Variants in CEP89 observed in about 807,000 individuals in gnomAD.
CEP89 encodes centrosomal protein of 89 kDa.
CEP89 carries 95 observed loss-of-function variants against 97.6 expected under a neutral mutation model. The ratio of observed to expected loss-of-function variants is 0.97; its 90% CI spans 0.82 to 1.15. The LOEUF is 1.15. Ranked by LOEUF, CEP89 falls within the 50% of genes most tolerant of loss-of-function variation. The probability of loss-of-function intolerance (pLI) is 0.00; values close to 1 mark genes in which losing one functional copy is unlikely to be tolerated. For missense variants in CEP89, 869 were observed against 947.7 expected, an observed-to-expected ratio of 0.92 and a Z score of 1.09; for synonymous variants, 354 against 349.1, an observed-to-expected ratio of 1.01 and a Z score of -0.16.
chr19:32,906,066 C>T (rs1969881729), intron 14 of CEP89, among the ~76,000 whole-genome samples: 1 of 152,100 alleles, frequency 6.6e-6, no homozygotes. Flanking sequence ...CTTTTCCTGC[C>T]CTTTTACTTT....
intron 14 of CEP89, among the ~76,000 whole-genome samples, chr19:32,913,310 TTTGTTG>T (rs376031677): frequency 0.11 from 5,124 of 45,608 alleles, 276 homozygotes; most frequent in African/African-American, 0.35. Flanking sequence ...TATATATTTT[TTTGTTG>T]TTGTTGTTGT....
chr19:32,910,213 A>G (rs913309904), intron 14 of CEP89, among the ~76,000 whole-genome samples: 1 of 151,156 alleles, frequency 6.6e-6, no homozygotes, highest in Non-Finnish European at 1.5e-5. Flanking sequence ...GTGAGCTGAG[A>G]TCGTGCCACT....
chr19:32,912,340 C>T (rs754530586), intron 14 of CEP89, among the ~76,000 whole-genome samples: 1 of 152,082 alleles, frequency 6.6e-6, no homozygotes, highest in African/African-American at 2.4e-5. Context: ...TTGTTGATGT[C>T]GTTAACATTT....
In CEP89 at chr19:32,933,466, C is replaced by A. The variant is rs759305087; in HGVS notation, c.871G>T (p.Ala291Ser). ...EKRKLKEAEK[A>S]SSQEVAAPEL... is the part of the protein sequence containing the mutation. ...CTGTCCCCACCTTCCTGTGACGACG[C>A]CTTCTCAGCCTCTTTGAGCTTTCTC... The change falls in exon 8 of 19, where the codon GCG (alanine) becomes TCG (serine). Residue 291 changes from alanine to serine, a missense_variant. Coordinates refer to ENST00000305768, the MANE Select transcript of CEP89 (RefSeq NM_032816.5). 5 of 1,613,762 alleles carry A rather than the reference C, an allele frequency of 3.1e-6. No homozygotes were observed. The highest frequency in any genetic ancestry group is 3.4e-6 in the Non-Finnish European group (4 of 1,179,914).
Position 32,936,230 on chromosome 19 carries a change from T to G in CEP89, c.667+1401A>C, listed in dbSNP as rs1212552547. Among the ~76,000 whole-genome samples the G allele has an allele frequency of 1.3e-5, 2 of 152,154 alleles. No homozygotes were observed. Among genetic ancestry groups the G allele is most frequent in the Non-Finnish European group, 2.9e-5 (2 of 68,012 alleles). ...GCCAAGCCTGGGCACTGTCACAGCC[T>G]GGCTGGGAGTGTGCATACTCAGGGC... On this transcript the variant is annotated intron_variant, in intron 7 of 18. Coordinates refer to ENST00000305768, the MANE Select transcript of CEP89 (RefSeq NM_032816.5). The surrounding 1 kb of genome is among the most constrained non-coding windows in gnomAD (Gnocchi z 4.5).
chr19:32,914,190 T>C (rs10425973), intron 14 of CEP89, among the ~76,000 whole-genome samples: 24,139 of 152,148 alleles, frequency 0.16, 2,184 homozygotes, highest in Non-Finnish European at 0.21. Context: ...TCACATCATA[T>C]TTAATGACTG....
intron 14 of CEP89, among the ~76,000 whole-genome samples, chr19:32,902,362 T>C (rs1161219868): frequency 6.6e-6 from 1 of 152,114 alleles, no homozygotes; most frequent in African/African-American, 2.4e-5. Context: ...ACATACAAAA[T>C]CCAAGATTCA....
chr19:32,898,037 C>T (rs1308523053), intron 16 of CEP89, among the ~76,000 whole-genome samples: 1 of 152,154 alleles, frequency 6.6e-6, no homozygotes, highest in African/African-American at 2.4e-5. Flanking sequence ...GGTATTTATT[C>T]ACAGGCAAGG....
rs747174020 is a variant in CEP89, at chr19:32,937,615, T to C, written c.667+16A>G. On this transcript the variant is annotated intron_variant, in intron 7 of 18. Transcript: ENST00000305768. ...AACAAGCTTTTCAATCATAATATAA[T>C]TCAAAAGGCAAATACCTGGGGAGGG... 1.7e-5 allele frequency: 26 copies of C among 1,572,538 alleles called. No individual in the cohort carries two copies. Among genetic ancestry groups the C allele is most frequent in the East Asian group, 4.5e-5 (2 of 44,676 alleles).
intron 14 of CEP89, among the ~76,000 whole-genome samples, chr19:32,914,021 T>C (rs1367841326): frequency 6.6e-6 from 1 of 152,190 alleles, no homozygotes; most frequent in Non-Finnish European, 1.5e-5. Context: ...AAATATATTG[T>C]GGCCAGGCAG....
rs17693718 is a variant in CEP89 at position 32,908,221 on chromosome 19, A to G, written c.1566-6809T>C. On this transcript the variant is annotated intron_variant, in intron 14 of 18. Coordinates refer to ENST00000305768, the MANE Select transcript of CEP89 (RefSeq NM_032816.5). ...AGTAAAGAAGGTATAAAAAGTTTAAAAAGAAGTCATTAATGGTGAAGGCAG... is the reference window on the plus strand; with the variant it reads ...AGTAAAGAAGGTATAAAAAGTTTAAGAAGAAGTCATTAATGGTGAAGGCAG... Among the ~76,000 whole-genome samples the G allele has an allele frequency of 1.7e-3, 261 of 152,394 alleles. 1 individual carries two copies. Among genetic ancestry groups the G allele is most frequent in the South Asian group, 7.0e-3 (34 of 4,834 alleles).
intron 16 of CEP89, among the ~76,000 whole-genome samples, chr19:32,892,980 TACAC>T (rs1411224506): frequency 6.6e-6 from 1 of 151,936 alleles, no homozygotes; most frequent in African/African-American, 2.4e-5. Context: ...GGAAAAATGA[TACAC>T]AAAACAACCA....
At chr19:32,922,618 T>C (rs1488939642) in intron 12 of CEP89, among the ~76,000 whole-genome samples, 1 of 151,874 alleles carries the variant, frequency 6.6e-6, no homozygotes, top group Non-Finnish European at 1.5e-5. Context: ...GAGGCCAAGG[T>C]GGGCAGATCA....
At chr19:32,960,129 A>C (rs1971136581) in intron 2 of CEP89, 71 bp from the exon 3 acceptor site, 1 of 1,533,686 alleles carries the variant, frequency 6.5e-7, no homozygotes, top group African/African-American at 1.4e-5. Context: ...CAAGGTACAT[A>C]AACTCATCAA....
intron 4 of CEP89, among the ~76,000 whole-genome samples, chr19:32,950,325 A>G (rs1257837367): frequency 2.0e-5 from 3 of 152,118 alleles, no homozygotes; most frequent in African/African-American, 7.2e-5. Context: ...TTGGGAGGCT[A>G]AGGCAGGCGG....
At chr19:32,879,731 AAGGAACTGC>A (rs1211990571) in intron 18 of CEP89, among the ~76,000 whole-genome samples, 5 of 152,210 alleles carry the variant, frequency 3.3e-5, no homozygotes, top group African/African-American at 9.6e-5. Context: ...CGTGTCGAAT[AAGGAACTGC>A]AGGAACTGCA....
At chr19:32,898,765 C>A (rs937659579) in intron 16 of CEP89, among the ~76,000 whole-genome samples, 1 of 151,622 alleles carries the variant, frequency 6.6e-6, no homozygotes, top group African/African-American at 2.4e-5. Flanking sequence ...ACCTGTAGTC[C>A]CAGCTACTCG....
intron 12 of CEP89, among the ~76,000 whole-genome samples, chr19:32,921,558 G>A (rs1285850468): frequency 6.6e-6 from 1 of 152,248 alleles, no homozygotes; most frequent in African/African-American, 2.4e-5. Context: ...TGAAAGCAGG[G>A]CCTGCCTTTC....
chr19:32,968,553 A>G, intron 1 of CEP89, among the ~76,000 whole-genome samples: 1 of 152,154 alleles, frequency 6.6e-6, no homozygotes, highest in East Asian at 1.9e-4. Context: ...TGGCCAGAAA[A>G]GGTTTTCTTA....
Sources: gnomAD v4.1 joint callset for allele counts (sites outside exome capture counted in the v4.1 genomes callset) on GRCh38, gnomAD v4.1.1 for gene constraint, Gnocchi (gnomAD v3.1) non-coding constraint, MANE v1.5 for transcripts, NCBI Gene and HGNC (gene_info 2026-07-23, HGNC 2026-07-21) for gene names.